MED27: variants seen among roughly 807,000 people sequenced by gnomAD.
MED27 encodes the protein mediator complex subunit 27, also known as mediator of RNA polymerase II transcription subunit 27.
MED27 carries 30 observed loss-of-function variants against 38.2 expected under a neutral mutation model. That is an observed-to-expected ratio of 0.79 (90% CI 0.59 to 1.07). The LOEUF is 1.07. MED27 is among the 50% of genes least tolerant of loss of function. MED27 has a pLI of 0.00. For missense variants in MED27, 289 were observed against 397.5 expected (o/e 0.73, Z 2.32); for synonymous variants, 122 against 153.5 (o/e 0.79, Z 1.52).
rs749276371 is a variant in MED27, at chr9:132,079,851, G to A, written c.-7C>T. The A allele has an allele frequency of 2.5e-6, 4 of 1,571,176 alleles. No individual in the cohort carries two copies. Among genetic ancestry groups the A allele is most frequent in the Non-Finnish European group, 3.5e-6 (4 of 1,157,256 alleles). ...CATTTATCACGTCCGCCATGTTGCC[G>A]CCGCCACAGCAGCTCTCCAAAGCCG... On this transcript the variant is annotated 5_prime_UTR_variant, in exon 1 of 8. Transcript: ENST00000292035.
intron 2 of MED27, among the ~76,000 whole-genome samples, chr9:132,024,808 T>C (rs1832783800): frequency 6.6e-6 from 1 of 152,098 alleles, no homozygotes; most frequent in Admixed American, 6.5e-5. Context: ...TCTAATATAC[T>C]GTAGAGATTG....
intron 3 of MED27, among the ~76,000 whole-genome samples, chr9:131,964,112 G>A (rs1831281417): frequency 6.6e-6 from 1 of 151,860 alleles, no homozygotes; most frequent in Admixed American, 6.6e-5. Context: ...CAGTGAACCT[G>A]GGGAAGTAAT....
intron 4 of MED27, among the ~76,000 whole-genome samples, chr9:131,936,720 T>A (rs1445362165): frequency 6.6e-6 from 1 of 152,232 alleles, no homozygotes; most frequent in African/African-American, 2.4e-5. Flanking sequence ...GTCAGATTAA[T>A]CACTGAGTCT....
intron 3 of MED27, among the ~76,000 whole-genome samples, chr9:131,949,368 CTT>C (rs1830945479): frequency 6.6e-6 from 1 of 152,128 alleles, no homozygotes; most frequent in Non-Finnish European, 1.5e-5. Context: ...CTTTTGCACT[CTT>C]TGCCTCGCTC....
chr9:131,981,584 G>C lies in MED27; in HGVS notation c.479+32753C>G, dbSNP rs148340214. Among the ~76,000 whole-genome samples the C allele has an allele frequency of 4.6e-5, 7 of 152,220 alleles. No individual in the cohort carries two copies. In the East Asian group the frequency reaches 1.3e-3, roughly 29 times the overall value. ...GACTGCTAGTCCAAAAGAGGAGGAGGAGCAGAAAGGGCTCATATAATTTAC... is the reference window on the plus strand; with the variant it reads ...GACTGCTAGTCCAAAAGAGGAGGAGCAGCAGAAAGGGCTCATATAATTTAC... On this transcript the variant is annotated intron_variant, in intron 3 of 7. Transcript: ENST00000292035.
intron 3 of MED27, among the ~76,000 whole-genome samples, chr9:131,957,342 T>A (rs975980910): frequency 2.6e-5 from 4 of 151,900 alleles, no homozygotes; most frequent in African/African-American, 9.7e-5. Context: ...GTAGCTGCAA[T>A]CTCCCGGGCA....
At chr9:131,876,471 G>A (rs957675817) in intron 6 of MED27, among the ~76,000 whole-genome samples, 3 of 152,180 alleles carry the variant, frequency 2.0e-5, no homozygotes, top group African/African-American at 4.8e-5. Context: ...GTACTGGGGC[G>A]GCGTAAGAGG....
intron 3 of MED27, among the ~76,000 whole-genome samples, chr9:131,976,789 G>T (rs1208019216): frequency 6.6e-6 from 1 of 152,124 alleles, no homozygotes; most frequent in East Asian, 1.9e-4. Context: ...CCAAATAAAT[G>T]AATACAGCAG....
At chr9:132,076,794 C>T (rs938193146) in intron 2 of MED27, among the ~76,000 whole-genome samples, 4 of 152,178 alleles carry the variant, frequency 2.6e-5, no homozygotes, top group Non-Finnish European at 5.9e-5. Flanking sequence ...CGAACCGTTT[C>T]CAGATTCATG....
intron 3 of MED27, among the ~76,000 whole-genome samples, chr9:131,941,390 C>T (rs1830783260): frequency 6.6e-6 from 1 of 152,054 alleles, no homozygotes; most frequent in Non-Finnish European, 1.5e-5. Context: ...AAACATAATG[C>T]CTTTTGTTAA....
chr9:131,923,540 T>C (rs185733086), intron 4 of MED27, among the ~76,000 whole-genome samples: 6 of 152,380 alleles, frequency 3.9e-5, no homozygotes, highest in Non-Finnish European at 5.9e-5. Flanking sequence ...GGTCACATTA[T>C]TCAATTGAAA....
At chr9:131,867,972 G>A (rs1330192369) in intron 6 of MED27, among the ~76,000 whole-genome samples, 1 of 152,182 alleles carries the variant, frequency 6.6e-6, no homozygotes, top group Non-Finnish European at 1.5e-5. Flanking sequence ...CCAGAGGGCT[G>A]GGCATTTGAT....
rs772553752 is a variant in MED27, at chr9:131,860,569, A to G, written c.905T>C (p.Leu302Pro). Residue 302 changes from leucine to proline, a missense_variant, in exon 8 of 8, where the codon CTC becomes CCC. By Grantham distance (98) the Leu-to-Pro change is moderately conservative. Transcript: ENST00000292035. The surrounding 1 kb of genome is among the most constrained non-coding windows in gnomAD (Gnocchi z 5.8). ...LPPTWRDFRTLEAFHDTCRQ is the reference protein window; with the variant it reads ...LPPTWRDFRTPEAFHDTCRQ ...CCGGCAGGTGTCATGGAAGGCTTCG[A>G]GGGTTCGGAAATCCCTCCATGTCGG... 9 of 1,577,798 alleles carry G rather than the reference A, an allele frequency of 5.7e-6. No homozygotes were observed. The highest frequency in any genetic ancestry group is 6.9e-6 in the Non-Finnish European group (8 of 1,161,662).
intron 4 of MED27, among the ~76,000 whole-genome samples, chr9:131,904,708 G>A (rs1312245545): frequency 2.0e-5 from 3 of 152,050 alleles, no homozygotes; most frequent in Non-Finnish European, 4.4e-5. Flanking sequence ...GTGAACTGGG[G>A]TCATTTGCTA....
At chr9:132,043,524 G>A (rs1833267478) in intron 2 of MED27, among the ~76,000 whole-genome samples, 2 of 151,558 alleles carry the variant, frequency 1.3e-5, no homozygotes, top group African/African-American at 2.4e-5. Flanking sequence ...TCACATATAT[G>A]ATATATATAG....
At chr9:132,020,169 G>A (rs865781914) in intron 2 of MED27, among the ~76,000 whole-genome samples, 30 of 152,172 alleles carry the variant, frequency 2.0e-4, no homozygotes, top group South Asian at 8.3e-4. Context: ...TCTGTCTAAC[G>A]GGTTTCTAGG....
At chr9:131,935,703 G>A (rs991077228) in intron 4 of MED27, among the ~76,000 whole-genome samples, 2 of 152,160 alleles carry the variant, frequency 1.3e-5, no homozygotes, top group South Asian at 2.1e-4. Context: ...AGATGACCAC[G>A]GGTCGGGAGG....
chr9:131,884,725 A>G (rs1839108131), intron 5 of MED27, among the ~76,000 whole-genome samples: 2 of 148,996 alleles, frequency 1.3e-5, no homozygotes. Context: ...CTCCTGCTTC[A>G]GCCTCCTGAG....
intron 3 of MED27, among the ~76,000 whole-genome samples, chr9:131,965,948 T>C (rs1404404479): frequency 2.0e-5 from 3 of 150,978 alleles, no homozygotes; most frequent in Admixed American, 6.6e-5. Flanking sequence ...CATTGGAAAG[T>C]AACCAAGCAT....
Sources: gnomAD v4.1 joint callset for allele counts (sites outside exome capture counted in the v4.1 genomes callset) on GRCh38, gnomAD v4.1.1 for gene constraint, Gnocchi (gnomAD v3.1) non-coding constraint, MANE v1.5 for transcripts, NCBI Gene and HGNC (gene_info 2026-07-23, HGNC 2026-07-21) for gene names.